The following WDR87 variants were observed in gnomAD, a reference collection of about 807,000 sequenced individuals.
WDR87 encodes the protein WD repeat domain 87.
Under a neutral mutation model 83.3 loss-of-function variants are expected in WDR87, and 56 were observed. The ratio of observed to expected loss-of-function variants is 0.67; its 90% CI spans 0.54 to 0.84. WDR87 has a LOEUF of 0.84. WDR87 is among the 40% of genes least tolerant of loss of function. The pLI is 0.00. For synonymous variants in WDR87, 1,173 were observed against 1,250.6 expected (o/e 0.94, Z 1.31); for missense variants, 2,939 against 3,431.9 (o/e 0.86, Z 3.59).
chr19:37,904,574 GGTCTC>G (rs2046312145), intron 1 of WDR87, among the ~76,000 whole-genome samples: 1 of 151,258 alleles, frequency 6.6e-6, no homozygotes, highest in Non-Finnish European at 1.5e-5. Context: ...TGGCCAGGCT[GGTCTC>G]AAACTCCTGA....
rs1312111505 is a variant in WDR87, at chr19:37,888,312, T to C, written c.5359A>G (p.Lys1787Glu). The C allele has an allele frequency of 3.2e-6, 5 of 1,551,648 alleles. No homozygotes were observed. Among genetic ancestry groups the C allele is most frequent in the Admixed American group, 3.9e-5 (2 of 50,920 alleles). The change falls in exon 6 of 6, where the codon AAA becomes GAA. Residue 1787 changes from lysine to glutamate, a missense_variant. Around this residue, in one of 3 missense-constraint regions of WDR87, gnomAD observed 2,160 missense variants for 2,533.1 expected, o/e 0.85. Coordinates refer to ENST00000447313, the MANE Select transcript of WDR87 (RefSeq NM_001291088.2). ...EEGKLVEEKK[K>E]LAEEEEALAW... The stretch of plus-strand genomic sequence containing the variant: ...AATGCCTCCTCTTCCTCAGCCAGTT[T>C]CTTCTTTTCCTCAACCAGTTTCCCC...
In WDR87 at chr19:37,891,548, A is replaced by G. The variant is rs1452706167; in HGVS notation, c.3394+4T>C. 6.4e-7 allele frequency: 1 copy of G among 1,551,952 alleles called. No individual in the cohort carries two copies. ...AGGCACAGACCAGATTACCCCTTACATACTATGCTTTTTGACCCCTGCTTG... is the reference window on the plus strand; with the variant it reads ...AGGCACAGACCAGATTACCCCTTACGTACTATGCTTTTTGACCCCTGCTTG... On this transcript the variant is annotated splice_donor_region_variant and intron_variant, in intron 5 of 5. Coordinates refer to ENST00000447313, the MANE Select transcript of WDR87 (RefSeq NM_001291088.2).
Position 37,890,121 on chromosome 19 carries a change from T to C in WDR87, c.3550A>G (p.Ser1184Gly), listed in dbSNP as rs2046192027. Residue 1184 changes from serine to glycine, a missense_variant, in exon 6 of 6, where the codon AGT becomes GGT. Ser to Gly is a moderately conservative substitution (Grantham distance 56). Coordinates refer to ENST00000447313, the MANE Select transcript of WDR87 (RefSeq NM_001291088.2). The part of the protein sequence containing the change: ...SVYSQWSSST[S>G]VIKLSKDVDS... ...ACATCTTTTGAGAGCTTTATTACAC[T>C]GGTGCTTGAAGACCATTGGGAATAG... 6.4e-7 allele frequency: 1 copy of C among 1,551,922 alleles called. No individual in the cohort carries two copies. The highest frequency in any genetic ancestry group is 2.0e-5 in the Admixed American group (1 of 50,994).
In WDR87 at chr19:37,895,203, C is replaced by T. The variant is rs1682831229; in HGVS notation, c.500G>A (p.Gly167Asp). 1 of 1,551,574 alleles carries T rather than the reference C, an allele frequency of 6.4e-7. No homozygotes were observed. The highest frequency in any genetic ancestry group is 8.7e-7 in the Non-Finnish European group (1 of 1,147,008). Reference protein sequence around the residue: ...YDPEMKMLLSGILGAVVTWVI... With the variant: ...YDPEMKMLLSDILGAVVTWVI... ...CCAGGTCACCACTGCCCCCAGGATG[C>T]CAGACAGAAGCATCTTCATTTCCGG... Residue 167 changes from glycine (G) to aspartate (D), a missense_variant, in exon 4 of 6, where the codon GGC becomes GAC. Transcript: ENST00000447313.
rs1177886367 is a variant in WDR87, at chr19:37,893,895, G to C, written c.1808C>G (p.Pro603Arg). The C allele has an allele frequency of 3.2e-6, 5 of 1,551,788 alleles. No homozygotes were observed. Among genetic ancestry groups the C allele is most frequent in the Non-Finnish European group, 4.4e-6 (5 of 1,147,048 alleles). ...QNGLKFIETL[P>R]LHLCAITSFD... ...GGATGTGATGGCACACAGGTGCAGA[G>C]GCAGTGTTTCTATGAATTTCAAGCC... The change falls in exon 4 of 6, where the codon CCT becomes CGT. Residue 603 changes from proline (P) to arginine (R), a missense_variant. Physicochemically the swap from Pro to Arg is moderately radical, Grantham distance 103. Coordinates refer to ENST00000447313, the MANE Select transcript of WDR87 (RefSeq NM_001291088.2).
chr19:37,891,166 C>CTTT (rs34489328), intron 5 of WDR87, among the ~76,000 whole-genome samples: 14 of 137,540 alleles, frequency 1.0e-4, no homozygotes, highest in Admixed American at 1.5e-4. Context: ...TGGTATCTCT[C>CTTT]TTTTTTTTTT....
chr19:37,902,743 C>T (rs1432681124), intron 1 of WDR87, among the ~76,000 whole-genome samples: 1 of 152,140 alleles, frequency 6.6e-6, no homozygotes, highest in African/African-American at 2.4e-5. Flanking sequence ...GCAAACCTCC[C>T]ACGAGCTTTG....
chr19:37,889,235 T>C lies in WDR87; in HGVS notation c.4436A>G (p.Lys1479Arg), dbSNP rs748322569. The C allele has an allele frequency of 2.6e-6, 4 of 1,551,936 alleles. No individual in the cohort carries two copies. The highest frequency in any genetic ancestry group is 3.5e-6 in the Non-Finnish European group (4 of 1,147,082). ...CAGTTTTCCTTCTTGTTTGACCACTTTCTCCTCTAGTGTGGCCATTTCCTC... is the reference window on the plus strand; with the variant it reads ...CAGTTTTCCTTCTTGTTTGACCACTCTCTCCTCTAGTGTGGCCATTTCCTC... ...EVEEMATLEE[K>R]VVKQEGKLVM... is the part of the protein sequence containing the mutation. Residue 1479 changes from lysine (K) to arginine (R), a missense_variant, in exon 6 of 6, where the codon AAA becomes AGA. Transcript: ENST00000447313.
Position 37,892,828 on chromosome 19 carries a change from A to G in WDR87, c.2875T>C (p.Ser959Pro). The G allele has an allele frequency of 1.9e-6, 3 of 1,551,814 alleles. No individual in the cohort carries two copies. The highest frequency in any genetic ancestry group is 1.7e-6 in the Non-Finnish European group (2 of 1,147,024). Reference sequence around the variant, plus strand: ...TTCAGTAGCCGACGGGCTGTCTCAGAGCGTAGGGCTGGGGACACCTGGTAA... The same window carrying G: ...TTCAGTAGCCGACGGGCTGTCTCAGGGCGTAGGGCTGGGGACACCTGGTAA... Reference protein sequence around the residue: ...ASYQVSPALRSETARRLLNDT... With the variant: ...ASYQVSPALRPETARRLLNDT... The change falls in exon 4 of 6, where the codon TCT (serine) becomes CCT (proline). Residue 959 changes from serine to proline, a missense_variant. By Grantham distance (74) the Ser-to-Pro change is moderately conservative. Coordinates refer to ENST00000447313, the MANE Select transcript of WDR87 (RefSeq NM_001291088.2).
Position 37,888,018 on chromosome 19 carries a change from G to A in WDR87, c.5653C>T (p.Leu1885=). The change falls in exon 6 of 6, where the codon CTG becomes TTG. Residue 1885 remains leucine, a synonymous_variant. Coordinates refer to ENST00000447313, the MANE Select transcript of WDR87 (RefSeq NM_001291088.2). ...GCCAATTTTTCCTTCTCCTGGGCCAGATTCTTCTTTTCCTGAGCCAGATTC... is the reference window on the plus strand; with the variant it reads ...GCCAATTTTTCCTTCTCCTGGGCCAAATTCTTCTTTTCCTGAGCCAGATTC... ...KKNLAQEKKN[L]AQEKEKLAQR... is the part of the protein sequence containing the mutation. 6.4e-7 allele frequency: 1 copy of A among 1,551,216 alleles called. No individual in the cohort carries two copies. Among genetic ancestry groups the A allele is most frequent in the Non-Finnish European group, 8.7e-7 (1 of 1,146,878 alleles).
Position 37,893,132 on chromosome 19 carries a change from C to T in WDR87, c.2571G>A (p.Arg857=), listed in dbSNP as rs1467579833. 6.4e-7 allele frequency: 1 copy of T among 1,551,852 alleles called. No homozygotes were observed. Among genetic ancestry groups the T allele is most frequent in the Non-Finnish European group, 8.7e-7 (1 of 1,147,038 alleles). The change falls in exon 4 of 6, where the codon AGG becomes AGA. Residue 857 remains arginine (R), a synonymous_variant. Coordinates refer to ENST00000447313, the MANE Select transcript of WDR87 (RefSeq NM_001291088.2). ...TGTGCCAGAAAAAGAATTCTTGAGA[C>T]CTGTCCCATTCCAGCTCCCGCTGGG... ...HAPQRELEWD[R]SQEFFFWHSR...
intron 4 of WDR87, 90 bp from the exon 5 acceptor site, chr19:37,891,910 G>A: frequency 1.4e-6 from 2 of 1,465,862 alleles, no homozygotes; most frequent in Non-Finnish European, 9.0e-7. Flanking sequence ...ACAGGCAGGA[G>A]GCTTGGCAAA....
rs1239629778 is a variant in WDR87 at position 37,894,348 on chromosome 19, G to A, written c.1355C>T (p.Ser452Leu). Residue 452 changes from serine (S) to leucine (L), a missense_variant, in exon 4 of 6, where the codon TCA becomes TTA. Transcript: ENST00000447313. ...PCPAKYLLGT[S>L]PNSQDFVQCL... ...TTGTACAAAGTCCTGAGAATTTGGT[G>A]AGGTGCCTAAGAGATACTTGGCTGG... is the stretch of plus-strand genomic sequence containing the variant. 6.4e-7 allele frequency: 1 copy of A among 1,551,796 alleles called. No homozygotes were observed. Among genetic ancestry groups the A allele is most frequent in the South Asian group, 1.2e-5 (1 of 84,064 alleles).
In WDR87 at chr19:37,894,070, T is replaced by C; in HGVS notation, c.1633A>G (p.Lys545Glu). ...HLSEAVLDGV[K>E]VQLRPLASIL... The stretch of plus-strand genomic sequence containing the variant: ...CTGGCGAGAGGCCGCAGTTGTACTT[T>C]GACCCCATCAAGCACAGCTTCTGAC... The change falls in exon 4 of 6, where the codon AAA (lysine) becomes GAA (glutamate). Residue 545 changes from lysine to glutamate, a missense_variant. Transcript: ENST00000447313. 6.4e-7 allele frequency: 1 copy of C among 1,552,206 alleles called. No homozygotes were observed. Among genetic ancestry groups the C allele is most frequent in the Middle Eastern group, 1.7e-4 (1 of 5,998 alleles).
chr19:37,893,996 A>T lies in WDR87; in HGVS notation c.1707T>A (p.Ser569=), dbSNP rs191648517. 1,623 of 1,551,886 alleles carry T rather than the reference A, an allele frequency of 1.0e-3. 3 individuals carry two copies. Among genetic ancestry groups the T allele is most frequent in the South Asian group, 2.8e-3 (234 of 84,066 alleles). The part of the protein sequence containing the change: ...HLTHLILLPK[S]VGAITETNCL... ...AGTTTGTCTCTGTGATGGCACCCAC[A>T]GACTTGGGCAAGAGTATCAGATGTG... Residue 569 remains serine, a synonymous_variant, in exon 4 of 6, where the codon TCT becomes TCA. Transcript: ENST00000447313.
chr19:37,889,237 C>A lies in WDR87; in HGVS notation c.4434G>T (p.Glu1478Asp). 6.4e-7 allele frequency: 1 copy of A among 1,552,056 alleles called. No homozygotes were observed. The change falls in exon 6 of 6, where the codon GAG becomes GAT. Residue 1478 changes from glutamate to aspartate, a missense_variant. Coordinates refer to ENST00000447313, the MANE Select transcript of WDR87 (RefSeq NM_001291088.2). ...GTTTTCCTTCTTGTTTGACCACTTT[C>A]TCCTCTAGTGTGGCCATTTCCTCCA... is the stretch of plus-strand genomic sequence containing the variant. ...EEVEEMATLE[E>D]KVVKQEGKLV...
At position 37,886,403 on chromosome 19, in the gene WDR87, C is replaced by G; in HGVS notation, c.7268G>C (p.Gly2423Ala). ...PHGKGRAIRL[G>A]VLKSPLKKLM... Reference sequence around the variant, plus strand: ...TTTCTTCAAAGGGCTTTTTAGAACTCCTAGTCTTATAGCCCTGCCTTTGCC... The same window carrying G: ...TTTCTTCAAAGGGCTTTTTAGAACTGCTAGTCTTATAGCCCTGCCTTTGCC... The change falls in exon 6 of 6, where the codon GGA (glycine) becomes GCA (alanine). Residue 2423 changes from glycine (G) to alanine (A), a missense_variant. Physicochemically the swap from Gly to Ala is moderately conservative, Grantham distance 60 (BLOSUM62 0). Coordinates refer to ENST00000447313, the MANE Select transcript of WDR87 (RefSeq NM_001291088.2). 6 of 1,544,238 alleles carry G rather than the reference C, an allele frequency of 3.9e-6. No homozygotes were observed. The highest frequency in any genetic ancestry group is 5.2e-6 in the Non-Finnish European group (6 of 1,145,044).
chr19:37,902,402 G>C (rs1002351537), intron 1 of WDR87, among the ~76,000 whole-genome samples: 1 of 151,586 alleles, frequency 6.6e-6, no homozygotes, highest in Non-Finnish European at 1.5e-5. Context: ...TTTTTTAGTA[G>C]AGATGGGGTT....
At chr19:37,900,518 G>A (rs969799406) in intron 1 of WDR87, among the ~76,000 whole-genome samples, 4 of 129,830 alleles carry the variant, frequency 3.1e-5, no homozygotes, top group African/African-American at 9.1e-5. Context: ...CCGAGATCAC[G>A]CCACTGCACT....
Sources: gnomAD v4.1 joint callset for allele counts (sites outside exome capture counted in the v4.1 genomes callset) on GRCh38, gnomAD v4.1.1 for gene constraint, gnomAD v4.1.1 regional missense constraint, MANE v1.5 for transcripts, NCBI Gene and HGNC (gene_info 2026-07-23, HGNC 2026-07-21) for gene names.